PDGFA: variants seen among roughly 807,000 people sequenced by gnomAD.
The protein encoded by PDGFA is platelet-derived growth factor subunit A.
PDGFA carries 9 observed loss-of-function variants against 25.6 expected under a neutral mutation model. That is an observed-to-expected ratio of 0.35 (90% CI 0.21 to 0.61). The LOEUF is 0.61. PDGFA is among the 20% of genes least tolerant of loss of function. PDGFA has a pLI of 0.75. For synonymous variants in PDGFA, 133 were observed against 111.8 expected, an observed-to-expected ratio of 1.19 and a Z score of -1.20; for missense variants, 242 against 272.8, an observed-to-expected ratio of 0.89 and a Z score of 0.79.
intron 1 of PDGFA, among the ~76,000 whole-genome samples, chr7:518,242 AG>A (rs1396725821): frequency 6.6e-6 from 1 of 151,034 alleles, no homozygotes; most frequent in Non-Finnish European, 1.5e-5. Flanking sequence ...TTTTAAGGAG[AG>A]TCGGGGGTCG....
At chr7:511,344 G>A (rs1562490331) in intron 3 of PDGFA, among the ~76,000 whole-genome samples, 1 of 134,622 alleles carries the variant, frequency 7.4e-6, no homozygotes, top group African/African-American at 3.2e-5. Flanking sequence ...GGTGGGGAGA[G>A]GGGAACCTAG....
At chr7:510,224 C>T (rs1259332134) in intron 4 of PDGFA, among the ~76,000 whole-genome samples, 1 of 152,110 alleles carries the variant, frequency 6.6e-6, no homozygotes, top group Non-Finnish European at 1.5e-5. Flanking sequence ...AGCAGCAGAG[C>T]AGAAGCCCCG....
At chr7:512,599 T>C in intron 2 of PDGFA, 144 bp from the exon 3 acceptor site, 1 of 1,544,236 alleles carries the variant, frequency 6.5e-7, no homozygotes, top group East Asian at 2.4e-5. Context: ...GCTCCCGCCA[T>C]TAGGGGCCCT....
intron 4 of PDGFA, among the ~76,000 whole-genome samples, chr7:508,590 T>TAAAAAAAAAAAAAAACC (rs1275774675): frequency 1.5e-5 from 2 of 130,898 alleles, no homozygotes; most frequent in Non-Finnish European, 3.2e-5. Flanking sequence ...AAAAAAAAAT[T>TAAAAAAAAAAAAAAACC]CTCAGCTGAG....
intron 2 of PDGFA, among the ~76,000 whole-genome samples, chr7:515,424 G>A (rs113159280): frequency 0.021 from 3,245 of 152,286 alleles, 101 homozygotes; most frequent in African/African-American, 0.072. Context: ...CAAGCTGGAG[G>A]AGCAGCCGGT....
Position 500,956 on chromosome 7 carries a change from C to A in PDGFA, c.580+160G>T. ...CTGCAGGTGTGGGATCCGTCTCCCC[C>A]GCAGGCATCTGGCCCGGGAGCAGGG... On this transcript the variant is annotated intron_variant, in intron 5 of 5. Transcript: ENST00000402802. The surrounding 1 kb of genome is among the most constrained non-coding windows in gnomAD (Gnocchi z 5.0). 2 of 1,595,856 alleles carry A rather than the reference C, an allele frequency of 1.3e-6. No individual in the cohort carries two copies. The highest frequency in any genetic ancestry group is 1.7e-6 in the Non-Finnish European group (2 of 1,177,992).
intron 4 of PDGFA, among the ~76,000 whole-genome samples, chr7:502,395 C>T (rs1782380317): frequency 6.6e-6 from 1 of 152,136 alleles, no homozygotes; most frequent in Admixed American, 6.5e-5. Context: ...AGACCCATAC[C>T]CAGGGTCCCC....
At chr7:504,285 C>G (rs543440238) in intron 4 of PDGFA, among the ~76,000 whole-genome samples, 31 of 152,008 alleles carry the variant, frequency 2.0e-4, no homozygotes, top group Non-Finnish European at 1.9e-4. Flanking sequence ...CTGTTGAGGG[C>G]CTGGGGTCGG....
At position 501,590 on chromosome 7, in the gene PDGFA, A is replaced by AT. The variant is rs1040826888; in HGVS notation, c.454-349dup. Among the ~76,000 whole-genome samples the AT allele has an allele frequency of 1.3e-3, 199 of 151,740 alleles. 2 individuals carry two copies. The highest frequency in any genetic ancestry group is 1.2e-3 in the Non-Finnish European group (84 of 67,918). On this transcript the variant is annotated intron_variant, in intron 4 of 5. Transcript: ENST00000402802. ...CCACCATGCCCAGCTAATTTTAAATATTTTTTTTGTGTGGAAGAGATGAGA... is the reference window on the plus strand; with the variant it reads ...CCACCATGCCCAGCTAATTTTAAATATTTTTTTTTGTGTGGAAGAGATGAGA...
Position 498,440 on chromosome 7 carries a change from G to A in PDGFA, c.*124C>T, listed in dbSNP as rs1341761464. The A allele has an allele frequency of 1.7e-5, 15 of 903,304 alleles. No individual in the cohort carries two copies. The East Asian group carries it at 1.9e-4, about 11-fold the overall frequency. The allele number at this position is 903,304 out of a possible 1,614,324, so 56.0% of individuals were successfully genotyped here. On this transcript the variant is annotated 3_prime_UTR_variant, in exon 6 of 6. Transcript: ENST00000402802. The stretch of plus-strand genomic sequence containing the variant: ...TCTCTTTGTTCTCCCGAGTGTTCTC[G>A]GACACAGTTTTTCACGGAGGAGAAC...
chr7:510,209 G>A (rs1269921405), intron 4 of PDGFA, among the ~76,000 whole-genome samples: 4 of 152,232 alleles, frequency 2.6e-5, no homozygotes, highest in South Asian at 2.1e-4. Context: ...CAGGCTCGTC[G>A]CCAGAGCAGC....
chr7:499,596 C>T (rs886487483), intron 5 of PDGFA, among the ~76,000 whole-genome samples: 5 of 152,020 alleles, frequency 3.3e-5, no homozygotes, highest in East Asian at 1.9e-4. Flanking sequence ...ATCTGGGAAG[C>T]GACATGTCTT....
Position 517,408 on chromosome 7 carries a change from T to C in PDGFA, c.146A>G (p.Glu49Gly). The C allele has an allele frequency of 7.2e-7, 1 of 1,384,378 alleles. No individual in the cohort carries two copies. Among genetic ancestry groups the C allele is most frequent in the African/African-American group, 1.5e-5 (1 of 65,970 alleles). The allele number at this position is 1,384,378 out of a possible 1,614,324, so 85.8% of individuals were successfully genotyped here. Residue 49 changes from glutamate to glycine, a missense_variant, in exon 2 of 6, where the codon GAG becomes GGG. This residue lies in a region of PDGFA where 113 missense variants were observed against 98.3 expected (regional missense o/e 1.15). Transcript: ENST00000402802. The surrounding 1 kb of genome is among the most constrained non-coding windows in gnomAD (Gnocchi z 7.4). ...GCGCGATTTACCTACGGAGTCTATC[T>C]CCAGGAGTCGCTGGAGGTCCCGGAT...
At chr7:518,114 C>G (rs1463506543) in intron 1 of PDGFA, among the ~76,000 whole-genome samples, 2 of 152,188 alleles carry the variant, frequency 1.3e-5, no homozygotes, top group East Asian at 3.9e-4. Context: ...CAAATCCAGC[C>G]GGCGGCCGGG....
intron 4 of PDGFA, 92 bp downstream of exon 4, chr7:510,717 G>GGGAGGGGAGA: frequency 2.2e-6 from 1 of 444,970 alleles, no homozygotes; most frequent in Non-Finnish European, 3.9e-6. Flanking sequence ...GGGAGGGGAG[G>GGGAGGGGAGA]GGAGGGGAGA....
intron 1 of PDGFA, chr7:518,306 C>G (rs974452066): frequency 2.7e-5 from 4 of 147,696 alleles, no homozygotes; most frequent in Admixed American, 6.7e-5. Context: ...GAAAGTCATT[C>G]ATCACAGCAA....
At chr7:497,511 CACAG>C (rs1220695459) in exon 6 of PDGFA, 6 of 152,216 alleles carry the variant, frequency 3.9e-5, no homozygotes, top group African/African-American at 9.6e-5. Flanking sequence ...ACACCAACAA[CACAG>C]ACAGAAGCGG....
Position 501,257 on chromosome 7 carries a change from A to G in PDGFA, c.454-15T>C, listed in dbSNP as rs774954752. 2 of 1,613,822 alleles carry G rather than the reference A, an allele frequency of 1.2e-6. No individual in the cohort carries two copies. The highest frequency in any genetic ancestry group is 2.2e-5 in the South Asian group (2 of 91,090). Reference sequence around the variant, plus strand: ...ACCTTGGCCACCTGCCAGAGAGAACAGAGCCCGGCCATGAATGCCTGCATG... The same window carrying G: ...ACCTTGGCCACCTGCCAGAGAGAACGGAGCCCGGCCATGAATGCCTGCATG... On this transcript the variant is annotated splice_polypyrimidine_tract_variant and intron_variant, in intron 4 of 5. Coordinates refer to ENST00000402802, the Ensembl canonical transcript of PDGFA.
chr7:507,786 G>A (rs956156002), intron 4 of PDGFA, among the ~76,000 whole-genome samples: 1 of 152,182 alleles, frequency 6.6e-6, no homozygotes, highest in Non-Finnish European at 1.5e-5. Context: ...ACAGGACAGA[G>A]GGGATGGTGC....
Sources: allele counts gnomAD v4.1 joint callset (sites outside exome capture counted in the v4.1 genomes callset), GRCh38; gene constraint gnomAD v4.1.1; regional missense constraint gnomAD v4.1.1; non-coding constraint Gnocchi (gnomAD v3.1); transcripts MANE v1.5; gene names NCBI Gene and HGNC (gene_info 2026-07-23, HGNC 2026-07-21).